Variants in ITGBL1 observed in about 807,000 individuals in gnomAD.
The protein encoded by ITGBL1 is integrin beta-like protein 1.
ITGBL1 carries 51 observed loss-of-function variants against 68.5 expected under a neutral mutation model. The ratio of observed to expected loss-of-function variants is 0.74; its 90% CI spans 0.59 to 0.94. ITGBL1 has a LOEUF of 0.94. Ranked by LOEUF, ITGBL1 falls within the 40% of genes least tolerant of loss-of-function variation. ITGBL1 has a pLI of 0.00. For synonymous variants in ITGBL1, 209 were observed against 227.3 expected, an observed-to-expected ratio of 0.92 and a Z score of 0.72; for missense variants, 649 against 647.4, an observed-to-expected ratio of 1.00 and a Z score of -0.03.
In ITGBL1 at chr13:101,679,845, C is replaced by A. The variant is rs571569086; in HGVS notation, c.1016-12740C>A. Among the ~76,000 whole-genome samples, 8 of 152,184 alleles carry A rather than the reference C, an allele frequency of 5.3e-5. No individual in the cohort carries two copies. The South Asian group carries it at 1.7e-3, about 32-fold the overall frequency. On this transcript the variant is annotated intron_variant, in intron 7 of 10. Coordinates refer to ENST00000376180, the MANE Select transcript of ITGBL1 (RefSeq NM_004791.3). ...TGAGTGTGGCCTGGCGCTTCTCTTC[C>A]CATTTTCAATTTTAGACACTCTAAG...
intron 2 of ITGBL1, among the ~76,000 whole-genome samples, chr13:101,477,588 G>A (rs2048556487): frequency 6.6e-6 from 1 of 151,796 alleles, no homozygotes. Flanking sequence ...CCTTTAGCCA[G>A]ACTAAAAAAG....
chr13:101,467,640 G>A (rs1252998422), intron 2 of ITGBL1, among the ~76,000 whole-genome samples: 1 of 152,142 alleles, frequency 6.6e-6, no homozygotes, highest in East Asian at 1.9e-4. Context: ...AAGAATGAGG[G>A]CTTTATAAAG....
intron 2 of ITGBL1, among the ~76,000 whole-genome samples, chr13:101,455,714 A>G (rs1275891638): frequency 6.6e-6 from 1 of 152,250 alleles, no homozygotes; most frequent in East Asian, 1.9e-4. Context: ...ACAACTTGTT[A>G]TTTAACTTCG....
At chr13:101,640,808 T>A (rs1257664581) in intron 7 of ITGBL1, among the ~76,000 whole-genome samples, 1 of 152,110 alleles carries the variant, frequency 6.6e-6, no homozygotes, top group Non-Finnish European at 1.5e-5. Flanking sequence ...CCCCACTGTC[T>A]ATTGTTCCCA....
chr13:101,530,000 G>A (rs577386089), intron 2 of ITGBL1, among the ~76,000 whole-genome samples: 32 of 152,112 alleles, frequency 2.1e-4, no homozygotes, highest in African/African-American at 4.6e-4. Flanking sequence ...TATAAAAGGC[G>A]TAGACAAACT....
intron 7 of ITGBL1, among the ~76,000 whole-genome samples, chr13:101,606,110 CTCTATA>C (rs1566754841): frequency 7.2e-6 from 1 of 138,280 alleles, no homozygotes; most frequent in Non-Finnish European, 1.6e-5. Flanking sequence ...CTCTCTCTCT[CTCTATA>C]TATATATATA....
At chr13:101,606,150 C>T (rs1398021930) in intron 7 of ITGBL1, among the ~76,000 whole-genome samples, 2 of 136,402 alleles carry the variant, frequency 1.5e-5, no homozygotes, top group African/African-American at 2.8e-5. Context: ...CCCTGATATA[C>T]TTCAGTATAT....
chr13:101,459,252 G>A (rs370781811), intron 2 of ITGBL1, among the ~76,000 whole-genome samples: 1 of 152,014 alleles, frequency 6.6e-6, no homozygotes, highest in Non-Finnish European at 1.5e-5. Flanking sequence ...TGTTAACGTG[G>A]GTTAACTTGT....
intron 2 of ITGBL1, among the ~76,000 whole-genome samples, chr13:101,480,419 A>G (rs1594835584): frequency 6.6e-6 from 1 of 152,066 alleles, no homozygotes; most frequent in African/African-American, 2.4e-5. Context: ...TGATAGCTCA[A>G]TGATGCTATT....
At chr13:101,640,931 C>T (rs182102399) in intron 7 of ITGBL1, among the ~76,000 whole-genome samples, 108 of 152,180 alleles carry the variant, frequency 7.1e-4, no homozygotes, top group African/African-American at 2.1e-3. Flanking sequence ...TGATGACTAA[C>T]GTTGAAGGAA....
Position 101,716,284 on chromosome 13 carries a change from C to T in ITGBL1, c.*630C>T, listed in dbSNP as rs1043691281. On this transcript the variant is annotated 3_prime_UTR_variant, in exon 11 of 11. Coordinates refer to ENST00000376180, the MANE Select transcript of ITGBL1 (RefSeq NM_004791.3). ...GTAGAATATCAGAGTGGGGCTGGAT[C>T]AAGGGCAAAAACTGGTCATTAAGTC... 5.3e-5 allele frequency: 8 copies of T among 152,222 alleles called. No individual in the cohort carries two copies. The highest frequency in any genetic ancestry group is 1.7e-4 in the African/African-American group (7 of 41,544). The allele number at this position is 152,222 out of a possible 1,614,324, so 9.4% of individuals were successfully genotyped here.
At chr13:101,479,354 A>G (rs1011622892) in intron 2 of ITGBL1, among the ~76,000 whole-genome samples, 3 of 152,090 alleles carry the variant, frequency 2.0e-5, no homozygotes, top group African/African-American at 7.2e-5. Context: ...CTAGGAAACT[A>G]CTAAAAGAAA....
rs538275743 is a variant in ITGBL1, at chr13:101,568,528, G to A, written c.463+683G>A. Among the ~76,000 whole-genome samples, 8 of 152,160 alleles carry A rather than the reference G, an allele frequency of 5.3e-5. No homozygotes were observed. The South Asian group carries it at 1.5e-3, about 28-fold the overall frequency. Reference sequence around the variant, plus strand: ...TTTTCTCAACCGTGGTTGAACATCAGCATCCCAAGGAGAAAGGAATAAACT... The same window carrying A: ...TTTTCTCAACCGTGGTTGAACATCAACATCCCAAGGAGAAAGGAATAAACT... On this transcript the variant is annotated intron_variant, in intron 3 of 10. Transcript: ENST00000376180.
chr13:101,522,468 G>A (rs2049302273), intron 2 of ITGBL1, among the ~76,000 whole-genome samples: 2 of 152,122 alleles, frequency 1.3e-5, no homozygotes, highest in South Asian at 4.1e-4. Context: ...GCTGTGAAGA[G>A]CCATTTAAGC....
intron 7 of ITGBL1, among the ~76,000 whole-genome samples, chr13:101,626,507 A>G (rs1594939142): frequency 2.6e-5 from 4 of 152,220 alleles, no homozygotes; most frequent in Admixed American, 2.6e-4. Flanking sequence ...CAGATCTTTC[A>G]TCTATCTCTA....
At chr13:101,597,257 T>C (rs1165863024) in intron 6 of ITGBL1, among the ~76,000 whole-genome samples, 2 of 152,132 alleles carry the variant, frequency 1.3e-5, no homozygotes, top group African/African-American at 4.8e-5. Context: ...TAAAAGAATA[T>C]GTACTCTCTC....
intron 2 of ITGBL1, among the ~76,000 whole-genome samples, chr13:101,523,786 A>G (rs2049325961): frequency 6.6e-6 from 1 of 152,346 alleles, no homozygotes; most frequent in African/African-American, 2.4e-5. Context: ...GTGTTGCTCC[A>G]TCATAGTAAT....
intron 3 of ITGBL1, among the ~76,000 whole-genome samples, chr13:101,574,222 T>A (rs1212901748): frequency 6.6e-6 from 1 of 152,040 alleles, no homozygotes; most frequent in African/African-American, 2.4e-5. Context: ...CACCTCAGGT[T>A]GCTTTATTCA....
intron 2 of ITGBL1, among the ~76,000 whole-genome samples, chr13:101,454,414 C>T (rs959468789): frequency 1.7e-5 from 2 of 120,180 alleles, no homozygotes; most frequent in African/African-American, 3.0e-5. Context: ...CCCCCCCCCC[C>T]CAACTCCTGG....
Sources: gnomAD v4.1 joint callset for allele counts (sites outside exome capture counted in the v4.1 genomes callset) on GRCh38, gnomAD v4.1.1 for gene constraint, MANE v1.5 for transcripts, NCBI Gene and HGNC (gene_info 2026-07-23, HGNC 2026-07-21) for gene names.